Variants in SLC25A43 observed in about 807,000 individuals in gnomAD.
The protein encoded by SLC25A43 is solute carrier family 25 member 43, also known as solute carrier family 25, member 43.
SLC25A43 carries 10 observed loss-of-function variants against 22.8 expected under a neutral mutation model. The ratio of observed to expected loss-of-function variants is 0.44; its 90% CI spans 0.27 to 0.74. The LOEUF (loss-of-function observed/expected upper bound fraction) is 0.74. Among genes scored for constraint, SLC25A43 ranks in the 30% least tolerant of loss-of-function variants. The probability of loss-of-function intolerance (pLI) is 0.17; values close to 1 mark genes in which losing one functional copy is unlikely to be tolerated. For missense variants in SLC25A43, 233 were observed against 279.1 expected (o/e 0.83, Z 1.18); for synonymous variants, 106 against 121.6 (o/e 0.87, Z 0.84).
intron 2 of SLC25A43, among the ~76,000 whole-genome samples, chrX:119,409,136 C>CATT (rs1458132748): frequency 5.5e-5 from 6 of 109,280 alleles, no homozygotes; most frequent in Non-Finnish European, 1.1e-4. Context: ...TCCCTCCAGC[C>CATT]ATTCATCAGT....
chrX:119,400,707 C>T (rs763068832), intron 1 of SLC25A43, among the ~76,000 whole-genome samples: 4 of 112,444 alleles, frequency 3.6e-5, no homozygotes, highest in Non-Finnish European at 5.6e-5. Context: ...ACAAGCCGAA[C>T]GGAATCATCC....
rs55775067 is a variant in SLC25A43, at chrX:119,421,111, C to CAAA, written c.690+10776_690+10778dup. ...TCGGTGACAGAGCGAAACTTCATCT[C>CAAA]AAAAAAAAAAAAAAAAAAAAAAAAA... On this transcript the variant is annotated intron_variant, in intron 3 of 4. Coordinates refer to ENST00000217909, the MANE Select transcript of SLC25A43 (RefSeq NM_145305.3). 5.8e-4 allele frequency among the ~76,000 whole-genome samples: 29 copies of CAAA among 50,369 alleles called. 1 individual carries two copies. The highest frequency in any genetic ancestry group is 1.2e-3 in the African/African-American group (16 of 13,872). The allele number at this position is 50,369 out of a possible 115,157, so 43.7% of individuals were successfully genotyped here. A position where few individuals can be genotyped will look rare whatever the true frequency, so the allele number is the denominator to read the frequency against.
Position 119,453,540 on chromosome X carries a change from T to G in SLC25A43, c.*475T>G, listed in dbSNP as rs1309897257. ...GACTTTCCAATACAATCTGTTGTTT[T>G]GTTTTGTTTTTAGAGACAGGGTCTT... is the stretch of plus-strand genomic sequence containing the variant. On this transcript the variant is annotated 3_prime_UTR_variant, in exon 5 of 5. Transcript: ENST00000217909. 1 of 125,141 alleles carries G rather than the reference T, an allele frequency of 8.0e-6. No homozygotes were observed. The highest frequency in any genetic ancestry group is 3.2e-5 in the African/African-American group (1 of 31,031). 10.3% of individuals were successfully genotyped at this position (125,141 alleles called of 1,213,427 possible).
intron 3 of SLC25A43, among the ~76,000 whole-genome samples, chrX:119,416,518 C>CA: frequency 8.9e-6 from 1 of 112,408 alleles, no homozygotes; most frequent in East Asian, 2.8e-4. Context: ...CGTCCCCGGC[C>CA]AAAAAACACC....
At chrX:119,419,561 C>T (rs759430872) in intron 3 of SLC25A43, among the ~76,000 whole-genome samples, 384 of 111,338 alleles carry the variant, frequency 3.4e-3, no homozygotes, top group African/African-American at 0.012. Context: ...GGTGCTCATC[C>T]CCTCTTGTAG....
chrX:119,421,204 G>T (rs1210608179), intron 3 of SLC25A43, among the ~76,000 whole-genome samples: 1 of 106,905 alleles, frequency 9.4e-6, no homozygotes, highest in Non-Finnish European at 1.9e-5. Flanking sequence ...AAACTTCACT[G>T]TGCTCACAAA....
intron 3 of SLC25A43, among the ~76,000 whole-genome samples, chrX:119,425,266 G>A (rs2052493325): frequency 1.8e-5 from 2 of 111,917 alleles, no homozygotes; most frequent in Admixed American, 9.5e-5. Context: ...AAGAAAGCCC[G>A]CCTACCACAG....
intron 3 of SLC25A43, chrX:119,426,140 C>T: frequency 3.0e-6 from 2 of 659,438 alleles, no homozygotes; most frequent in Non-Finnish European, 3.6e-6. Context: ...TGGCTGGGAG[C>T]ATTCACAGGA....
At chrX:119,435,457 C>CTTTTTTTTTTTTTTTTTTTT (rs1175233726) in intron 3 of SLC25A43, among the ~76,000 whole-genome samples, 1 of 54,740 alleles carries the variant, frequency 1.8e-5, no homozygotes, top group African/African-American at 6.8e-5. Context: ...AGATTTTATT[C>CTTTTTTTTTTTTTTTTTTTT]TTTTTTTTTT....
intron 2 of SLC25A43, among the ~76,000 whole-genome samples, chrX:119,409,679 G>A (rs982512427): frequency 1.2e-4 from 13 of 109,727 alleles, no homozygotes; most frequent in African/African-American, 3.7e-4. Flanking sequence ...GCCGTGGTGC[G>A]ATCTCAGCTC....
chrX:119,419,916 C>A (rs1454691254), intron 3 of SLC25A43, among the ~76,000 whole-genome samples: 3 of 111,694 alleles, frequency 2.7e-5, no homozygotes, highest in Non-Finnish European at 5.6e-5. Context: ...TAATCTTGGA[C>A]CTTATCAGCT....
Position 119,442,704 on chromosome X carries a change from G to T in SLC25A43, c.691-9305G>T, listed in dbSNP as rs149539227. Among the ~76,000 whole-genome samples the T allele has an allele frequency of 6.4e-3, 723 of 112,423 alleles. 2 individuals carry two copies. The highest frequency in any genetic ancestry group is 0.014 in the Middle Eastern group (3 of 219). The stretch of plus-strand genomic sequence containing the variant: ...AAGACCCCTAGCCATTTTGCCTACT[G>T]TAAAATAGAACCATCTACAATGTCT... On this transcript the variant is annotated intron_variant, in intron 3 of 4. Transcript: ENST00000217909.
chrX:119,427,346 G>A (rs902469900), intron 3 of SLC25A43, among the ~76,000 whole-genome samples: 5 of 111,830 alleles, frequency 4.5e-5, no homozygotes, highest in Non-Finnish European at 9.4e-5. Context: ...CATTGTGATC[G>A]CAGGCTTTCT....
intron 3 of SLC25A43, among the ~76,000 whole-genome samples, chrX:119,422,687 GC>G (rs2052464768): frequency 9.0e-6 from 1 of 111,467 alleles, no homozygotes. Flanking sequence ...GAACACCCAA[GC>G]CTGCCTCCTG....
chrX:119,450,318 C>T (rs1181617946), intron 3 of SLC25A43, among the ~76,000 whole-genome samples: 1 of 111,320 alleles, frequency 9.0e-6, no homozygotes, highest in Non-Finnish European at 1.9e-5. Flanking sequence ...GATTTGGAAA[C>T]CAGGAGGTCG....
Position 119,399,452 on chromosome X carries a change from C to A in SLC25A43, c.49C>A (p.Leu17Met). Residue 17 changes from leucine (L) to methionine (M), a missense_variant, in exon 1 of 5, where the codon CTG becomes ATG. Coordinates refer to ENST00000217909, the MANE Select transcript of SLC25A43 (RefSeq NM_145305.3). ...CCGACTGACAGGCGGCCAAAGGCTG[C>A]TGTGCGCTGGGCTGGCGGGGACGCT... ...DGRLTGGQRLLCAGLAGTLSL... is the reference protein window; with the variant it reads ...DGRLTGGQRLMCAGLAGTLSL... The A allele has an allele frequency of 9.6e-7, 1 of 1,041,505 alleles. No homozygotes were observed. 85.8% of individuals were successfully genotyped at this position (1,041,505 alleles called of 1,213,427 possible).
chrX:119,404,069 C>T (rs1200172262), intron 1 of SLC25A43, among the ~76,000 whole-genome samples: 1 of 105,553 alleles, frequency 9.5e-6, no homozygotes, highest in East Asian at 3.0e-4. Context: ...GTGATCTCGG[C>T]TCACTGCAAC....
At chrX:119,425,194 G>A (rs1351970466) in intron 3 of SLC25A43, among the ~76,000 whole-genome samples, 2 of 112,277 alleles carry the variant, frequency 1.8e-5, no homozygotes, top group Admixed American at 1.9e-4. Flanking sequence ...CACAGGCATA[G>A]ACCATTCAGT....
chrX:119,402,432 C>A (rs1037097756), intron 1 of SLC25A43, among the ~76,000 whole-genome samples: 6 of 111,291 alleles, frequency 5.4e-5, no homozygotes, highest in Admixed American at 3.9e-4. Context: ...AATAGAAGAC[C>A]CCCCCGCCCT....
Sources: allele counts gnomAD v4.1 joint callset (sites outside exome capture counted in the v4.1 genomes callset), GRCh38; gene constraint gnomAD v4.1.1; transcripts MANE v1.5; gene names NCBI Gene and HGNC (gene_info 2026-07-23, HGNC 2026-07-21).